The following USP14 variants were observed in gnomAD, a reference collection of about 807,000 sequenced individuals.
The protein encoded by USP14 is ubiquitin specific peptidase 14.
In USP14, 38 loss-of-function variants were observed where a neutral mutation model predicts 76.5. The observed-to-expected ratio is 0.50, with a 90% CI of 0.38 to 0.65. The LOEUF is 0.65. Ranked by LOEUF, USP14 falls within the 30% of genes least tolerant of loss-of-function variation. The pLI is 0.00. For missense variants in USP14, 467 were observed against 586.5 expected (o/e 0.80, Z 2.10); for synonymous variants, 192 against 191.7 (o/e 1.00, Z -0.01).
At chr18:210,136 A>C in intron 14 of USP14, 105 bp downstream of exon 14, 1 of 981,478 alleles carries the variant, frequency 1.0e-6, no homozygotes, top group South Asian at 1.7e-5. Context: ...TTTTCAAACA[A>C]AATGTCAGGT....
chr18:207,778 T>C (rs758219441), intron 13 of USP14, among the ~76,000 whole-genome samples: 1 of 152,264 alleles, frequency 6.6e-6, no homozygotes, highest in African/African-American at 2.4e-5. Context: ...TAGTTTTCAG[T>C]GTACAAGCCT....
rs1276483874 is a variant in USP14 at position 214,537 on chromosome 18, A to ATTGT, written c.*3256_*3259dup. On this transcript the variant is annotated 3_prime_UTR_variant, in exon 16 of 16. Coordinates refer to ENST00000261601, the MANE Select transcript of USP14 (RefSeq NM_005151.4). ...TACAACAATTGTTATAAAAATGTTT[A>ATTGT]TTGTTTACCAAAACCAGTGGACCTC... is the stretch of plus-strand genomic sequence containing the variant. 14 of 1,052,220 alleles carry ATTGT rather than the reference A, an allele frequency of 1.3e-5. No homozygotes were observed. The highest frequency in any genetic ancestry group is 2.5e-4 in the Middle Eastern group (1 of 3,946). The allele number at this position is 1,052,220 out of a possible 1,614,324, so 65.2% of individuals were successfully genotyped here.
chr18:181,067 C>T (rs952023319), intron 5 of USP14, among the ~76,000 whole-genome samples: 1 of 151,874 alleles, frequency 6.6e-6, no homozygotes, highest in South Asian at 2.1e-4. Flanking sequence ...TTACAGCACA[C>T]GTAACACCTC....
At chr18:195,916 T>G (rs1001869385) in intron 6 of USP14, among the ~76,000 whole-genome samples, 6 of 152,112 alleles carry the variant, frequency 3.9e-5, no homozygotes, top group Non-Finnish European at 5.9e-5. Context: ...GGCTCAGAAG[T>G]TGTTTACAGC....
In USP14 at chr18:214,406, T is replaced by C; in HGVS notation, c.*3122T>C. 1 of 462,936 alleles carries C rather than the reference T, an allele frequency of 2.2e-6. No individual in the cohort carries two copies. The highest frequency in any genetic ancestry group is 3.8e-6 in the Non-Finnish European group (1 of 262,904). The allele number at this position is 462,936 out of a possible 1,614,324, so 28.7% of individuals were successfully genotyped here. The stretch of plus-strand genomic sequence containing the variant: ...ATCTACTTAACAAAAAAATATATTT[T>C]GTGATCTTGAGGTCACTTCGTTTAG... On this transcript the variant is annotated 3_prime_UTR_variant, in exon 16 of 16. Coordinates refer to ENST00000261601, the MANE Select transcript of USP14 (RefSeq NM_005151.4).
In USP14 at chr18:158,578, A is replaced by AGCCGCCGCCACCACCGCGCCTCCGCCTCG; in HGVS notation, c.-111_-83dup. On this transcript the variant is annotated 5_prime_UTR_variant, in exon 1 of 16. Transcript: ENST00000261601. ...GTTTGAATGAGACTCGTCGCACCGA[A>AGCCGCCGCCACCACCGCGCCTCCGCCTCG]GCCGCCGCCACCACCGCGCCTCCGC... 1 of 1,053,332 alleles carries AGCCGCCGCCACCACCGCGCCTCCGCCTCG rather than the reference A, an allele frequency of 9.5e-7. No homozygotes were observed. The highest frequency in any genetic ancestry group is 1.3e-6 in the Non-Finnish European group (1 of 746,732). The allele number at this position is 1,053,332 out of a possible 1,614,324, so 65.2% of individuals were successfully genotyped here.
chr18:164,381 C>T (rs1486397712), intron 2 of USP14, among the ~76,000 whole-genome samples: 1 of 151,992 alleles, frequency 6.6e-6, no homozygotes, highest in Non-Finnish European at 1.5e-5. Flanking sequence ...TTTACCAAAG[C>T]CCTGGTTCTG....
intron 3 of USP14, 138 bp from the exon 4 acceptor site, chr18:178,795 A>G: frequency 7.0e-6 from 4 of 573,088 alleles, no homozygotes; most frequent in Non-Finnish European, 1.2e-5. Flanking sequence ...GCAGCAACTA[A>G]TCTACTTTCT....
In USP14 at chr18:158,695, C is replaced by T. The variant is rs750981744; in HGVS notation, c.-4C>T. The T allele has an allele frequency of 3.3e-6, 5 of 1,534,236 alleles. No individual in the cohort carries two copies. Among genetic ancestry groups the T allele is most frequent in the Non-Finnish European group, 4.3e-6 (5 of 1,149,948 alleles). On this transcript the variant is annotated 5_prime_UTR_variant, in exon 1 of 16. Transcript: ENST00000261601. ...TGCGCCGCCGCCTCCCGCCGCGCCC[C>T]GCCATGCCGCTCTACTCCGGTGAGC...
intron 5 of USP14, among the ~76,000 whole-genome samples, chr18:191,490 C>T (rs1410390422): frequency 6.6e-6 from 1 of 152,128 alleles, no homozygotes; most frequent in Non-Finnish European, 1.5e-5. Flanking sequence ...TTGACAAATG[C>T]AAATTCTCTG....
intron 5 of USP14, among the ~76,000 whole-genome samples, chr18:187,008 G>T (rs1909949880): frequency 6.6e-6 from 1 of 152,126 alleles, no homozygotes; most frequent in South Asian, 2.1e-4. Flanking sequence ...GATATTGGCA[G>T]TTGTTATCCC....
chr18:204,602 G>C lies in USP14; in HGVS notation c.1074G>C (p.Leu358=), dbSNP rs138275331. 1.8e-3 allele frequency: 2,971 copies of C among 1,612,788 alleles called. 66 individuals carry two copies. In the Admixed American group the frequency reaches 0.041, roughly 22 times the overall value. The change falls in exon 13 of 16, where the codon CTG becomes CTC. Residue 358 remains leucine (L), a synonymous_variant. Transcript: ENST00000261601. ...KFPLMLDMYE[L]CTPELQEKMV... Reference sequence around the variant, plus strand: ...CTCTTATGTTGGATATGTATGAACTGTGTACACCAGAACTTCAAGAGAAAA... The same window carrying C: ...CTCTTATGTTGGATATGTATGAACTCTGTACACCAGAACTTCAAGAGAAAA...
intron 3 of USP14, among the ~76,000 whole-genome samples, chr18:172,389 G>A (rs1909489289): frequency 6.6e-6 from 1 of 152,190 alleles, no homozygotes; most frequent in African/African-American, 2.4e-5. Flanking sequence ...TGAAGAAGCT[G>A]TGAATGTTGT....
chr18:175,700 G>C (rs1909607827), intron 3 of USP14, among the ~76,000 whole-genome samples: 1 of 152,048 alleles, frequency 6.6e-6, no homozygotes. Context: ...TTTGCTATCA[G>C]TGTAATGTTA....
At chr18:163,245 C>T in intron 1 of USP14, 63 bp from the exon 2 acceptor site, 1 of 1,479,992 alleles carries the variant, frequency 6.8e-7, no homozygotes, top group South Asian at 1.3e-5. Flanking sequence ...TGGTGATCTT[C>T]TAAGGGTCTG....
chr18:168,065 A>T (rs533461174), intron 3 of USP14, among the ~76,000 whole-genome samples: 1 of 149,212 alleles, frequency 6.7e-6, no homozygotes, highest in African/African-American at 2.5e-5. Context: ...AGCTGGGATT[A>T]CAGGCGCCCA....
At chr18:158,989 C>CT in intron 1 of USP14, 1 of 382,690 alleles carries the variant, frequency 2.6e-6, no homozygotes, top group African/African-American at 2.1e-5. Flanking sequence ...AGAATAGTTT[C>CT]TGACGCTGCC....
At chr18:199,407 T>G in intron 10 of USP14, 91 bp downstream of exon 10, 2 of 891,220 alleles carry the variant, frequency 2.2e-6, no homozygotes, top group Non-Finnish European at 3.6e-6. Context: ...TAATGGTCAT[T>G]TGTAGACATG....
chr18:163,598 T>C (rs1909185251), intron 2 of USP14, 145 bp downstream of exon 2: 2 of 878,834 alleles, frequency 2.3e-6, no homozygotes, highest in African/African-American at 1.7e-5. Context: ...GTTAAAACTG[T>C]CTTATGCCTG....
Sources: gnomAD v4.1 joint callset for allele counts (sites outside exome capture counted in the v4.1 genomes callset) on GRCh38, gnomAD v4.1.1 for gene constraint, MANE v1.5 for transcripts, NCBI Gene and HGNC (gene_info 2026-07-23, HGNC 2026-07-21) for gene names.